GNAI3: variants seen among roughly 807,000 people sequenced by gnomAD.
The protein encoded by GNAI3 is guanine nucleotide-binding protein G(i) subunit alpha-3.
Under a neutral mutation model 41.8 loss-of-function variants are expected in GNAI3, and 12 were observed. The ratio of observed to expected loss-of-function variants is 0.29; its 90% CI spans 0.18 to 0.47. The LOEUF is 0.47. Among genes scored for constraint, GNAI3 ranks in the 20% least tolerant of loss-of-function variants. The pLI, the probability that GNAI3 is intolerant of heterozygous loss-of-function variation, is 1.00. For missense variants in GNAI3, 360 were observed against 429.6 expected, an observed-to-expected ratio of 0.84 and a Z score of 1.43; for synonymous variants, 132 against 146.5, an observed-to-expected ratio of 0.90 and a Z score of 0.71.
chr1:109,567,719 G>A (rs1648493248), intron 1 of GNAI3, among the ~76,000 whole-genome samples: 1 of 152,124 alleles, frequency 6.6e-6, no homozygotes, highest in Non-Finnish European at 1.5e-5. Flanking sequence ...ACTTTGCGAG[G>A]CCTTAACGTT....
At chr1:109,577,425 C>T (rs1177713009) in intron 3 of GNAI3, among the ~76,000 whole-genome samples, 2 of 151,744 alleles carry the variant, frequency 1.3e-5, no homozygotes, top group African/African-American at 2.4e-5. Flanking sequence ...TACAGGCACA[C>T]GCCACCATGC....
chr1:109,554,495 A>T (rs1648091751), intron 1 of GNAI3, among the ~76,000 whole-genome samples: 1 of 152,052 alleles, frequency 6.6e-6, no homozygotes. Flanking sequence ...TGTTTTCGTA[A>T]GTTTGCTGGC....
chr1:109,600,123 C>T lies in GNAI3; in HGVS notation c.*7801C>T, dbSNP rs1649403474. On this transcript the variant is annotated 3_prime_UTR_variant, in exon 9 of 9. Transcript: ENST00000369851. ...ATAGGGTTAAATATTTGTTTCTGAT[C>T]TGGTTACAAAAAAAAAAAAAACTTG... is the stretch of plus-strand genomic sequence containing the variant. The T allele has an allele frequency of 7.5e-6, 1 of 134,078 alleles. No individual in the cohort carries two copies. Among genetic ancestry groups the T allele is most frequent in the Non-Finnish European group, 1.5e-5 (1 of 64,882 alleles). The allele number at this position is 134,078 out of a possible 1,614,324, so 8.3% of individuals were successfully genotyped here.
rs1465379698 is a variant in GNAI3 at position 109,598,886 on chromosome 1, C to T, written c.*6564C>T. 2 of 534,528 alleles carry T rather than the reference C, an allele frequency of 3.7e-6. No individual in the cohort carries two copies. Among genetic ancestry groups the T allele is most frequent in the Admixed American group, 1.9e-5 (1 of 51,574 alleles). 33.1% of individuals were successfully genotyped at this position (534,528 alleles called of 1,614,324 possible). On this transcript the variant is annotated 3_prime_UTR_variant, in exon 9 of 9. Transcript: ENST00000369851. ...CACCGAAATCCTTCTGGAATCTGTG[C>T]TCTGGGGGCTGTGCCGGGTAGAGAG...
At chr1:109,573,322 A>G (rs547003276) in intron 1 of GNAI3, among the ~76,000 whole-genome samples, 5 of 152,194 alleles carry the variant, frequency 3.3e-5, no homozygotes, top group Non-Finnish European at 7.4e-5. Context: ...TGCTCTCAGA[A>G]CATTTCTGTG....
chr1:109,562,968 G>A (rs1463422583), intron 1 of GNAI3, among the ~76,000 whole-genome samples: 1 of 152,112 alleles, frequency 6.6e-6, no homozygotes, highest in Non-Finnish European at 1.5e-5. Context: ...TGTCAGTTCT[G>A]TTCCCTTTTA....
chr1:109,551,635 A>G (rs1001839576), intron 1 of GNAI3, among the ~76,000 whole-genome samples: 3 of 152,168 alleles, frequency 2.0e-5, no homozygotes, highest in African/African-American at 7.2e-5. Flanking sequence ...AGCTACTCCT[A>G]GGATTGCTGT....
chr1:109,575,495 C>T (rs557219752), intron 3 of GNAI3, among the ~76,000 whole-genome samples: 14 of 148,492 alleles, frequency 9.4e-5, no homozygotes, highest in African/African-American at 2.3e-4. Flanking sequence ...TATTCCCCGC[C>T]GTCTGTCTTC....
intron 1 of GNAI3, among the ~76,000 whole-genome samples, chr1:109,568,595 T>G (rs997439072): frequency 2.6e-5 from 4 of 152,194 alleles, no homozygotes; most frequent in African/African-American, 7.2e-5. Flanking sequence ...AATACAGTGA[T>G]TCTACATTAG....
chr1:109,591,625 C>T, intron 7 of GNAI3: 1 of 449,278 alleles, frequency 2.2e-6, no homozygotes, highest in East Asian at 3.7e-5. Flanking sequence ...AGTACATGTG[C>T]TACCAAAGCA....
intron 1 of GNAI3, among the ~76,000 whole-genome samples, chr1:109,572,097 C>T (rs939384380): frequency 6.6e-6 from 1 of 151,984 alleles, no homozygotes; most frequent in Non-Finnish European, 1.5e-5. Context: ...CACCTGAGGT[C>T]AGGAGTTTGT....
chr1:109,592,047 C>T lies in GNAI3; in HGVS notation c.879C>T (p.Ser293=), dbSNP rs1396714249. 2 of 1,604,182 alleles carry T rather than the reference C, an allele frequency of 1.2e-6. No individual in the cohort carries two copies. Among genetic ancestry groups the T allele is most frequent in the South Asian group, 1.1e-5 (1 of 90,530 alleles). ...LTICYPEYTG[S]NTYEEAAAYI... ...AGTACTGGGTGTCCGTTTTAGGTTC[C>T]AATACATATGAAGAGGCAGCTGCCT... Residue 293 remains serine, a synonymous_variant, in exon 8 of 9, where the codon TCC becomes TCT. Transcript: ENST00000369851.
intron 7 of GNAI3, among the ~76,000 whole-genome samples, chr1:109,590,148 A>G (rs995116832): frequency 4.6e-5 from 7 of 152,208 alleles, no homozygotes; most frequent in African/African-American, 1.7e-4. Flanking sequence ...TTATCAAGGA[A>G]GTTGGAAATG....
At chr1:109,559,654 T>G (rs554645736) in intron 1 of GNAI3, among the ~76,000 whole-genome samples, 24 of 152,314 alleles carry the variant, frequency 1.6e-4, no homozygotes, top group Middle Eastern at 6.8e-3. Flanking sequence ...ATTCATGAAG[T>G]ACCCCTAATG....
At chr1:109,576,727 G>A (rs1170298785) in intron 3 of GNAI3, among the ~76,000 whole-genome samples, 1 of 152,004 alleles carries the variant, frequency 6.6e-6, no homozygotes, top group Non-Finnish European at 1.5e-5. Flanking sequence ...TCTCCATGTT[G>A]GTCAGGTTGG....
chr1:109,562,238 A>G (rs1189374408), intron 1 of GNAI3, among the ~76,000 whole-genome samples: 4 of 152,358 alleles, frequency 2.6e-5, no homozygotes, highest in African/African-American at 9.6e-5. Context: ...CAAAAAAAGT[A>G]TAACTATTTA....
In GNAI3 at chr1:109,599,276, G is replaced by T. The variant is rs1649389625; in HGVS notation, c.*6954G>T. 5.3e-6 allele frequency: 1 copy of T among 189,696 alleles called. No individual in the cohort carries two copies. The highest frequency in any genetic ancestry group is 1.1e-5 in the Non-Finnish European group (1 of 88,640). 11.8% of individuals were successfully genotyped at this position (189,696 alleles called of 1,614,324 possible). A position where few individuals can be genotyped will look rare whatever the true frequency, so the allele number is the denominator to read the frequency against. On this transcript the variant is annotated 3_prime_UTR_variant, in exon 9 of 9. Coordinates refer to ENST00000369851, the MANE Select transcript of GNAI3 (RefSeq NM_006496.4). ...TATAACAAAATTTGCCATCTTAAGT[G>T]TACAGTTCAGTGGCATTAAGTACAT...
In GNAI3 at chr1:109,575,534, C is replaced by CTTTTTTTTTTTTTTTTTT. The variant is rs747890363; in HGVS notation, c.303+1505_303+1522dup. On this transcript the variant is annotated intron_variant, in intron 3 of 8. Coordinates refer to ENST00000369851, the MANE Select transcript of GNAI3 (RefSeq NM_006496.4). ...TATTTATCTCCCTACCCTTTCATTT[C>CTTTTTTTTTTTTTTTTTT]TTTTTTTTTTTTTTTTTTTTTTTTT... Among the ~76,000 whole-genome samples the CTTTTTTTTTTTTTTTTTT allele has an allele frequency of 7.6e-5, 4 of 52,854 alleles. 1 individual carries two copies. Among genetic ancestry groups the CTTTTTTTTTTTTTTTTTT allele is most frequent in the African/African-American group, 2.4e-4 (3 of 12,452 alleles). 34.7% of individuals were successfully genotyped at this position (52,854 alleles called of 152,430 possible).
intron 5 of GNAI3, among the ~76,000 whole-genome samples, chr1:109,584,908 T>C (rs1446975520): frequency 6.6e-6 from 1 of 152,210 alleles, no homozygotes; most frequent in Admixed American, 6.5e-5. Flanking sequence ...CTAAAACCTG[T>C]ATTGTGACCC....
Sources: gnomAD v4.1 joint callset for allele counts (sites outside exome capture counted in the v4.1 genomes callset) on GRCh38, gnomAD v4.1.1 for gene constraint, MANE v1.5 for transcripts, NCBI Gene and HGNC (gene_info 2026-07-23, HGNC 2026-07-21) for gene names.